Variants in ANKRD11 observed in about 807,000 individuals in gnomAD.
The protein encoded by ANKRD11 is ankyrin repeat domain-containing protein 11.
A neutral mutation model predicts 195.7 loss-of-function variants in ANKRD11; 17 were observed. The ratio of observed to expected loss-of-function variants is 0.09; its 90% CI spans 0.06 to 0.13. The LOEUF (loss-of-function observed/expected upper bound fraction) is 0.13, where lower values mean the gene tolerates loss of function less well. Ranked by LOEUF, ANKRD11 falls within the 10% of genes least tolerant of loss-of-function variation. The pLI is 1.00. For missense variants in ANKRD11, 3,735 were observed against 3,566.1 expected (o/e 1.05, Z -1.21); for synonymous variants, 1,953 against 1,528.1 (o/e 1.28, Z -6.49).
chr16:89,318,549 A>C lies in ANKRD11; in HGVS notation c.-59-1471T>G, dbSNP rs571054458. Among the ~76,000 whole-genome samples the C allele has an allele frequency of 1.4e-4, 18 of 132,392 alleles. No homozygotes were observed. In the South Asian group the frequency reaches 1.6e-3, roughly 12 times the overall value. 86.9% of individuals were successfully genotyped at this position (132,392 alleles called of 152,430 possible). A position where few individuals can be genotyped will look rare whatever the true frequency, so the allele number is the denominator to read the frequency against. ...ATGCACGAAGTATGGCTTTTGAAACACGATGTGCAGACCCATCTGTGAGTG... is the reference window on the plus strand; with the variant it reads ...ATGCACGAAGTATGGCTTTTGAAACCCGATGTGCAGACCCATCTGTGAGTG... On this transcript the variant is annotated intron_variant, in intron 2 of 12. Transcript: ENST00000301030.
intron 2 of ANKRD11, among the ~76,000 whole-genome samples, chr16:89,362,891 C>G (rs545764693): frequency 6.6e-6 from 1 of 152,166 alleles, no homozygotes; most frequent in African/African-American, 2.4e-5. Flanking sequence ...AAGTTGCTAG[C>G]CAATCGGGAC....
intron 2 of ANKRD11, among the ~76,000 whole-genome samples, chr16:89,398,014 C>G (rs2041521102): frequency 6.6e-6 from 1 of 152,240 alleles, no homozygotes; most frequent in Non-Finnish European, 1.5e-5. Context: ...TCACCAGTGA[C>G]AATGTAGCAC....
intron 2 of ANKRD11, chr16:89,321,172 G>C (rs1259944080): frequency 6.6e-6 from 1 of 152,424 alleles, no homozygotes; most frequent in Non-Finnish European, 1.5e-5. Flanking sequence ...GAGCACCAAA[G>C]AGCCTTCCTC....
At chr16:89,474,275 G>C (rs1053421825) in intron 1 of ANKRD11, among the ~76,000 whole-genome samples, 5 of 152,102 alleles carry the variant, frequency 3.3e-5, no homozygotes. Context: ...CACAGAAACT[G>C]TGAGATAATA....
chr16:89,393,593 C>G (rs1264683511), intron 2 of ANKRD11, among the ~76,000 whole-genome samples: 2 of 151,400 alleles, frequency 1.3e-5, no homozygotes, highest in Non-Finnish European at 2.9e-5. Context: ...TTGCCCGCCT[C>G]AGCCTCCCAA....
intron 11 of ANKRD11, chr16:89,271,254 TA>T (rs2033127525): frequency 3.1e-6 from 1 of 326,928 alleles, no homozygotes; most frequent in Non-Finnish European, 5.9e-6. Flanking sequence ...TTTTTTTTTT[TA>T]AGAGACAGAG....
intron 1 of ANKRD11, among the ~76,000 whole-genome samples, chr16:89,446,726 C>T (rs1334748175): frequency 6.6e-6 from 1 of 152,322 alleles, no homozygotes. Flanking sequence ...GACAGTGCCA[C>T]CAGCCACAGC....
chr16:89,359,371 G>C lies in ANKRD11; in HGVS notation c.-59-42293C>G, dbSNP rs143824999. On this transcript the variant is annotated intron_variant, in intron 2 of 12. Transcript: ENST00000301030. Reference sequence around the variant, plus strand: ...CAGCCCTTTAAAAAGCAGACTCCCAGGGAACTGCAGCCAGCTCCTGGAGCC... The same window carrying C: ...CAGCCCTTTAAAAAGCAGACTCCCACGGAACTGCAGCCAGCTCCTGGAGCC... Among the ~76,000 whole-genome samples the C allele has an allele frequency of 8.5e-5, 13 of 152,296 alleles. No individual in the cohort carries two copies. The East Asian group carries it at 2.5e-3, about 29-fold the overall frequency.
intron 2 of ANKRD11, among the ~76,000 whole-genome samples, chr16:89,367,915 G>A (rs569697707): frequency 4.6e-5 from 7 of 152,184 alleles, no homozygotes; most frequent in Admixed American, 2.6e-4. Flanking sequence ...GAGGTGGGAG[G>A]ATCACTTGAG....
At chr16:89,442,454 A>G (rs9302767) in intron 1 of ANKRD11, among the ~76,000 whole-genome samples, 4 of 150,722 alleles carry the variant, frequency 2.7e-5, no homozygotes, top group Non-Finnish European at 5.9e-5. Flanking sequence ...GATCCTGAGT[A>G]AAAGACAATC....
At chr16:89,355,539 G>GA (rs1473253967) in intron 2 of ANKRD11, among the ~76,000 whole-genome samples, 1 of 152,130 alleles carries the variant, frequency 6.6e-6, no homozygotes, top group East Asian at 1.9e-4. Context: ...GCTCTGCTCT[G>GA]AACGCTCTCT....
intron 2 of ANKRD11, among the ~76,000 whole-genome samples, chr16:89,388,511 C>T (rs1482591493): frequency 1.3e-5 from 2 of 151,826 alleles, no homozygotes; most frequent in African/African-American, 2.4e-5. Context: ...GTGGTGCTGT[C>T]GAACGCACAC....
Position 89,280,423 on chromosome 16 carries a change from C to G in ANKRD11, c.6119G>C (p.Gly2040Ala). Residue 2040 changes from glycine to alanine, a missense_variant, in exon 9 of 13, where the codon GGA (glycine) becomes GCA (alanine). Transcript: ENST00000301030. The part of the protein sequence containing the change: ...AEPGLEDVKD[G>A]VDAVPAAIST... ...GATGGCGGCGGGGACGGCGTCCACT[C>G]CGTCCTTGACGTCCTCCAGCCCCGG... 1 of 1,572,280 alleles carries G rather than the reference C, an allele frequency of 6.4e-7. No homozygotes were observed. The highest frequency in any genetic ancestry group is 8.6e-7 in the Non-Finnish European group (1 of 1,158,466).
At chr16:89,353,971 G>A (rs1216993169) in intron 2 of ANKRD11, among the ~76,000 whole-genome samples, 2 of 152,150 alleles carry the variant, frequency 1.3e-5, no homozygotes, top group East Asian at 1.9e-4. Context: ...GGCGGAGCTG[G>A]CTTCCAGCCT....
At chr16:89,469,950 G>C (rs560451473) in intron 1 of ANKRD11, among the ~76,000 whole-genome samples, 59 of 151,718 alleles carry the variant, frequency 3.9e-4, no homozygotes, top group Middle Eastern at 3.4e-3. Flanking sequence ...CTGTCGCTCA[G>C]GCTGGAGCGC....
chr16:89,325,509 G>A (rs967772868), intron 2 of ANKRD11, among the ~76,000 whole-genome samples: 13 of 151,524 alleles, frequency 8.6e-5, no homozygotes, highest in Non-Finnish European at 1.5e-5. Flanking sequence ...TAATAATGTT[G>A]GGGACAAAAT....
chr16:89,423,022 G>C (rs2042575805), intron 1 of ANKRD11, among the ~76,000 whole-genome samples: 1 of 152,202 alleles, frequency 6.6e-6, no homozygotes, highest in South Asian at 2.1e-4. Flanking sequence ...ACTGACAGCA[G>C]AGAAAAACCA....
intron 1 of ANKRD11, among the ~76,000 whole-genome samples, chr16:89,421,189 G>A (rs962566175): frequency 7.8e-6 from 1 of 128,880 alleles, no homozygotes; most frequent in Non-Finnish European, 1.7e-5. Context: ...ATGTCTGGGG[G>A]TGGGGGTGAG....
Position 89,413,434 on chromosome 16 carries a change from G to C in ANKRD11, c.-60+4850C>G, listed in dbSNP as rs558782555. ...AGGTCAGGAGACCGACACCATCCTA[G>C]CTAACACGAGGAAACCCCGTCTCTA... is the stretch of plus-strand genomic sequence containing the variant. On this transcript the variant is annotated intron_variant, in intron 2 of 12. Coordinates refer to ENST00000301030, the MANE Select transcript of ANKRD11 (RefSeq NM_013275.6). Among the ~76,000 whole-genome samples the C allele has an allele frequency of 6.8e-4, 104 of 152,244 alleles. 4 individuals are homozygous for C. The South Asian group carries it at 0.021, about 31-fold the overall frequency.
Sources: allele counts gnomAD v4.1 joint callset (sites outside exome capture counted in the v4.1 genomes callset), GRCh38; gene constraint gnomAD v4.1.1; transcripts MANE v1.5; gene names NCBI Gene and HGNC (gene_info 2026-07-23, HGNC 2026-07-21).